Variants in CNTN4 observed in about 807,000 individuals in gnomAD.
CNTN4 encodes the protein contactin 4.
Under a neutral mutation model 122.5 loss-of-function variants are expected in CNTN4, and 77 were observed. The observed-to-expected ratio is 0.63, with a 90% CI of 0.52 to 0.76. CNTN4 has a LOEUF of 0.76. Ranked by LOEUF, CNTN4 falls within the 30% of genes least tolerant of loss-of-function variation. CNTN4 has a pLI of 0.00. For synonymous variants in CNTN4, 512 were observed against 447.0 expected, an observed-to-expected ratio of 1.15 and a Z score of -1.83; for missense variants, 1,256 against 1,259.1, an observed-to-expected ratio of 1.00 and a Z score of 0.04.
intron 2 of CNTN4, among the ~76,000 whole-genome samples, chr3:2,108,278 A>C (rs2032628083): frequency 6.7e-6 from 1 of 150,254 alleles, no homozygotes; most frequent in South Asian, 2.1e-4. Context: ...CTCAAGTATC[A>C]CTAAGTTAAG....
chr3:3,003,769 A>G (rs1696315576), intron 14 of CNTN4, among the ~76,000 whole-genome samples: 1 of 146,836 alleles, frequency 6.8e-6, no homozygotes, highest in African/African-American at 2.5e-5. Context: ...TTTATTTTTG[A>G]GACAGAGTCT....
chr3:2,198,916 C>T (rs1004773858), intron 2 of CNTN4, among the ~76,000 whole-genome samples: 1 of 152,164 alleles, frequency 6.6e-6, no homozygotes, highest in African/African-American at 2.4e-5. Context: ...ACATTGGTGA[C>T]ATTCAGCACA....
intron 5 of CNTN4, among the ~76,000 whole-genome samples, chr3:2,741,439 G>A (rs1322125428): frequency 6.6e-6 from 1 of 152,116 alleles, no homozygotes; most frequent in Non-Finnish European, 1.5e-5. Flanking sequence ...ACTCTCTAAT[G>A]GACCATATAA....
At chr3:2,381,293 A>G (rs546145421) in intron 3 of CNTN4, among the ~76,000 whole-genome samples, 2 of 152,252 alleles carry the variant, frequency 1.3e-5, no homozygotes, top group East Asian at 3.9e-4. Flanking sequence ...GGCGTGAGCC[A>G]CTGCGCCTGG....
intron 2 of CNTN4, among the ~76,000 whole-genome samples, chr3:2,179,133 A>G (rs1466364158): frequency 1.3e-5 from 2 of 152,102 alleles, no homozygotes; most frequent in Admixed American, 6.6e-5. Context: ...ACCAGTAACC[A>G]TCTGATTATC....
At chr3:2,179,098 C>A (rs140441994) in intron 2 of CNTN4, among the ~76,000 whole-genome samples, 3 of 152,016 alleles carry the variant, frequency 2.0e-5, no homozygotes, top group African/African-American at 7.2e-5. Context: ...TTATAAATGT[C>A]CTGTTATCAA....
intron 3 of CNTN4, among the ~76,000 whole-genome samples, chr3:2,411,206 A>G (rs1038349333): frequency 6.6e-6 from 1 of 152,156 alleles, no homozygotes; most frequent in African/African-American, 2.4e-5. Flanking sequence ...CATCAGGATA[A>G]ATAGCTAATG....
chr3:2,542,750 T>A (rs2078084135), intron 3 of CNTN4, among the ~76,000 whole-genome samples: 1 of 151,962 alleles, frequency 6.6e-6, no homozygotes. Context: ...GCCACTTGAG[T>A]CAAATGGAAG....
intron 2 of CNTN4, among the ~76,000 whole-genome samples, chr3:2,121,067 A>ACTTC (rs1489234620): frequency 6.7e-6 from 1 of 148,432 alleles, no homozygotes; most frequent in African/African-American, 2.4e-5. Flanking sequence ...AATTTTAATG[A>ACTTC]CTTCCTTCCT....
At chr3:2,844,442 G>T (rs2093420685) in intron 7 of CNTN4, among the ~76,000 whole-genome samples, 1 of 152,152 alleles carries the variant, frequency 6.6e-6, no homozygotes, top group Non-Finnish European at 1.5e-5. Flanking sequence ...GCTGCTTTGG[G>T]GTTTGCCTTC....
intron 2 of CNTN4, among the ~76,000 whole-genome samples, chr3:2,170,490 A>G (rs548101802): frequency 8.4e-4 from 128 of 152,308 alleles, no homozygotes; most frequent in African/African-American, 3.0e-3. Flanking sequence ...TGAAAAGTAA[A>G]CACACTCTCC....
At chr3:2,415,210 A>T (rs1164166461) in intron 3 of CNTN4, among the ~76,000 whole-genome samples, 1 of 152,180 alleles carries the variant, frequency 6.6e-6, no homozygotes, top group African/African-American at 2.4e-5. Flanking sequence ...ACCAGTGTCT[A>T]TTATGTGGCT....
chr3:2,989,113 G>A (rs1217354555), intron 14 of CNTN4: 1 of 152,526 alleles, frequency 6.6e-6, no homozygotes, highest in Non-Finnish European at 1.5e-5. Context: ...TAGCTTCATG[G>A]CATGGGCTGG....
At chr3:2,550,441 C>T (rs1020474987) in intron 3 of CNTN4, among the ~76,000 whole-genome samples, 1 of 152,092 alleles carries the variant, frequency 6.6e-6, no homozygotes, top group African/African-American at 2.4e-5. Context: ...ATTAAAAAGT[C>T]AGGAAACAGC....
intron 14 of CNTN4, among the ~76,000 whole-genome samples, chr3:3,014,442 G>A (rs1697548057): frequency 6.6e-6 from 1 of 152,154 alleles, no homozygotes; most frequent in Admixed American, 6.5e-5. Context: ...GCAAATGACT[G>A]TAATTACAAA....
intron 2 of CNTN4, among the ~76,000 whole-genome samples, chr3:2,168,257 A>T (rs555760911): frequency 6.6e-6 from 1 of 152,326 alleles, no homozygotes; most frequent in South Asian, 2.1e-4. Context: ...AATATTAAAA[A>T]TCTTATAGGT....
chr3:2,729,359 T>G (rs931994494), intron 4 of CNTN4, among the ~76,000 whole-genome samples: 5 of 149,916 alleles, frequency 3.3e-5, no homozygotes. Context: ...GGTCAGGAGA[T>G]TGAGACCATC....
intron 3 of CNTN4, among the ~76,000 whole-genome samples, chr3:2,396,147 T>C (rs1193253307): frequency 2.6e-5 from 4 of 151,970 alleles, no homozygotes; most frequent in Non-Finnish European, 5.9e-5. Context: ...ACCTCAGCCT[T>C]CTAATTAGCT....
At chr3:2,169,477 G>A (rs1469180007) in intron 2 of CNTN4, among the ~76,000 whole-genome samples, 2 of 152,084 alleles carry the variant, frequency 1.3e-5, no homozygotes, top group South Asian at 2.1e-4. Flanking sequence ...CGCGATCTCG[G>A]CTCACTGCAA....
Sources: gnomAD v4.1 joint callset for allele counts (sites outside exome capture counted in the v4.1 genomes callset) on GRCh38, gnomAD v4.1.1 for gene constraint, MANE v1.5 for transcripts, NCBI Gene and HGNC (gene_info 2026-07-23, HGNC 2026-07-21) for gene names.